MAN2A1: variants seen among roughly 807,000 people sequenced by gnomAD.
MAN2A1 encodes the protein mannosidase alpha class 2A member 1, also known as alpha-mannosidase 2.
In MAN2A1, 76 loss-of-function variants were observed where a neutral mutation model predicts 142.6. That is an observed-to-expected ratio of 0.53 (90% CI 0.44 to 0.65). The LOEUF is 0.65. Ranked by LOEUF, MAN2A1 falls within the 30% of genes least tolerant of loss-of-function variation. The pLI, the probability that MAN2A1 is intolerant of heterozygous loss-of-function variation, is 0.00. For synonymous variants in MAN2A1, 559 were observed against 473.2 expected, an observed-to-expected ratio of 1.18 and a Z score of -2.35; for missense variants, 1,311 against 1,365.1, an observed-to-expected ratio of 0.96 and a Z score of 0.62.
intron 1 of MAN2A1, among the ~76,000 whole-genome samples, chr5:109,699,087 C>T (rs1314260415): frequency 6.6e-6 from 1 of 152,154 alleles, no homozygotes; most frequent in Non-Finnish European, 1.5e-5. Context: ...GTTTGATATA[C>T]ATTAACAGCT....
intron 12 of MAN2A1, among the ~76,000 whole-genome samples, chr5:109,809,501 A>G (rs1301535543): frequency 6.6e-6 from 1 of 151,998 alleles, no homozygotes; most frequent in East Asian, 1.9e-4. Flanking sequence ...TTCTAAGGAT[A>G]TTTTTGCTGG....
intron 7 of MAN2A1, among the ~76,000 whole-genome samples, chr5:109,771,218 T>A (rs903464341): frequency 3.3e-5 from 5 of 152,180 alleles, no homozygotes; most frequent in African/African-American, 4.8e-5. Flanking sequence ...CACTTAAAAA[T>A]TAGTAGTGTA....
At chr5:109,760,102 A>G (rs935547078) in intron 5 of MAN2A1, among the ~76,000 whole-genome samples, 3 of 152,030 alleles carry the variant, frequency 2.0e-5, no homozygotes, top group African/African-American at 7.2e-5. Context: ...CCTGTCATCT[A>G]TGTTAGGTAT....
chr5:109,742,638 G>A (rs950006105), intron 4 of MAN2A1, among the ~76,000 whole-genome samples: 7 of 152,100 alleles, frequency 4.6e-5, no homozygotes, highest in Admixed American at 2.6e-4. Flanking sequence ...TTCATTATAC[G>A]TTTTATACAG....
chr5:109,740,116 T>C (rs761628976), intron 4 of MAN2A1, among the ~76,000 whole-genome samples: 1 of 152,176 alleles, frequency 6.6e-6, no homozygotes. Flanking sequence ...TTCAAGACAG[T>C]ATCCAGCATC....
intron 4 of MAN2A1, among the ~76,000 whole-genome samples, chr5:109,736,017 C>T (rs1752086939): frequency 6.6e-6 from 1 of 151,702 alleles, no homozygotes; most frequent in Non-Finnish European, 1.5e-5. Context: ...CACATCCACT[C>T]TAGGCATGTG....
chr5:109,860,582 C>T (rs906863251), intron 20 of MAN2A1, among the ~76,000 whole-genome samples: 4 of 152,170 alleles, frequency 2.6e-5, no homozygotes, highest in Admixed American at 1.3e-4. Context: ...TCCCCACAAA[C>T]GGTGGTTGCA....
chr5:109,705,718 C>A (rs900649580), intron 1 of MAN2A1, among the ~76,000 whole-genome samples: 4 of 152,208 alleles, frequency 2.6e-5, no homozygotes, highest in African/African-American at 9.6e-5. Flanking sequence ...ACAGGCCCTA[C>A]TGGACTAAAA....
chr5:109,749,028 A>G (rs555768548), intron 4 of MAN2A1, among the ~76,000 whole-genome samples: 2 of 151,964 alleles, frequency 1.3e-5, no homozygotes, highest in South Asian at 4.2e-4. Flanking sequence ...TTCATTTAAA[A>G]TTTTTTTAAA....
intron 18 of MAN2A1, 53 bp from the exon 19 acceptor site, chr5:109,847,604 T>G: frequency 7.2e-7 from 1 of 1,388,560 alleles, no homozygotes; most frequent in South Asian, 1.8e-5. Context: ...TCAATGAATG[T>G]CAGTATTAAA....
At chr5:109,818,008 T>C (rs1340750098) in intron 13 of MAN2A1, among the ~76,000 whole-genome samples, 1 of 152,210 alleles carries the variant, frequency 6.6e-6, no homozygotes, top group Non-Finnish European at 1.5e-5. Context: ...AACTGATCAC[T>C]GTACCACTAG....
Position 109,713,781 on chromosome 5 carries a change from T to C in MAN2A1, c.390+7T>C. ...TCACAATTCAGATGTGCAGGTAATGTATACATTCGTTAATAATCACTGGCC... is the reference window on the plus strand; with the variant it reads ...TCACAATTCAGATGTGCAGGTAATGCATACATTCGTTAATAATCACTGGCC... On this transcript the variant is annotated splice_region_variant and intron_variant, in intron 2 of 21. Transcript: ENST00000261483. 1 of 1,594,796 alleles carries C rather than the reference T, an allele frequency of 6.3e-7. No individual in the cohort carries two copies. The highest frequency in any genetic ancestry group is 8.5e-7 in the Non-Finnish European group (1 of 1,170,602).
chr5:109,713,623 G>A lies in MAN2A1; in HGVS notation c.239G>A (p.Ser80Asn), dbSNP rs777508298. 2.0e-5 allele frequency: 32 copies of A among 1,614,010 alleles called. No individual in the cohort carries two copies. Among genetic ancestry groups the A allele is most frequent in the Non-Finnish European group, 2.5e-5 (29 of 1,179,958 alleles). Residue 80 changes from serine to asparagine, a missense_variant, in exon 2 of 22, where the codon AGT (serine) becomes AAT (asparagine). This residue lies in a region of MAN2A1 where 409 missense variants were observed against 412.7 expected (regional missense o/e 0.99). Coordinates refer to ENST00000261483, the MANE Select transcript of MAN2A1 (RefSeq NM_002372.4). ...SNIRDSVINL[S>N]ESVEDGPKSS... Reference sequence around the variant, plus strand: ...ATTAGAGACTCAGTCATCAATTTGAGTGAGTCTGTGGAGGATGGTCCGAAA... The same window carrying A: ...ATTAGAGACTCAGTCATCAATTTGAATGAGTCTGTGGAGGATGGTCCGAAA...
intron 1 of MAN2A1, among the ~76,000 whole-genome samples, chr5:109,705,098 C>T (rs564421650): frequency 6.6e-6 from 1 of 152,236 alleles, no homozygotes; most frequent in African/African-American, 2.4e-5. Flanking sequence ...CCATAATCCT[C>T]CCCCTTGCCC....
intron 5 of MAN2A1, among the ~76,000 whole-genome samples, chr5:109,767,064 G>A (rs1220020189): frequency 6.6e-6 from 1 of 152,096 alleles, no homozygotes; most frequent in Non-Finnish European, 1.5e-5. Context: ...TTTGTAATGT[G>A]TAAAAGACAG....
At chr5:109,765,640 A>G (rs1752969448) in intron 5 of MAN2A1, among the ~76,000 whole-genome samples, 1 of 152,188 alleles carries the variant, frequency 6.6e-6, no homozygotes, top group Admixed American at 6.5e-5. Context: ...GTGTCCATTG[A>G]TGATTTTCTA....
chr5:109,820,606 C>A (rs1326415589), intron 15 of MAN2A1, among the ~76,000 whole-genome samples: 1 of 152,038 alleles, frequency 6.6e-6, no homozygotes, highest in Non-Finnish European at 1.5e-5. Context: ...CTCAGGAGTT[C>A]AAGACCAGCC....
intron 12 of MAN2A1, among the ~76,000 whole-genome samples, chr5:109,792,506 T>C (rs1235939751): frequency 6.6e-6 from 1 of 152,116 alleles, no homozygotes; most frequent in Non-Finnish European, 1.5e-5. Flanking sequence ...ACTTCTAAAT[T>C]CAGCATTCTC....
chr5:109,824,407 G>A (rs1190005404), intron 16 of MAN2A1, among the ~76,000 whole-genome samples: 1 of 152,116 alleles, frequency 6.6e-6, no homozygotes, highest in Non-Finnish European at 1.5e-5. Context: ...ACTTAACCCT[G>A]GGCAATGGAA....
Sources: allele counts gnomAD v4.1 joint callset (sites outside exome capture counted in the v4.1 genomes callset), GRCh38; gene constraint gnomAD v4.1.1; regional missense constraint gnomAD v4.1.1; transcripts MANE v1.5; gene names NCBI Gene and HGNC (gene_info 2026-07-23, HGNC 2026-07-21).